Variants in DNAAF10 observed in about 807,000 individuals in gnomAD.
DNAAF10 encodes WD repeat domain 92.
In DNAAF10, 28 loss-of-function variants were observed where a neutral mutation model predicts 43.7. The observed-to-expected ratio is 0.64, with a 90% CI of 0.48 to 0.88. DNAAF10 has a LOEUF of 0.88. Among genes scored for constraint, DNAAF10 ranks in the 40% least tolerant of loss-of-function variants. The probability of loss-of-function intolerance (pLI) is 0.00; values close to 1 mark genes in which losing one functional copy is unlikely to be tolerated. For missense variants in DNAAF10, 403 were observed against 439.1 expected (o/e 0.92, Z 0.73); for synonymous variants, 156 against 157.3 (o/e 0.99, Z 0.06).
intron 1 of DNAAF10, among the ~76,000 whole-genome samples, chr2:68,155,209 T>C (rs572652878): frequency 6.6e-6 from 1 of 150,754 alleles, no homozygotes; most frequent in Admixed American, 6.6e-5. Context: ...AAGGAATAAA[T>C]GGCCAGGTGC....
In DNAAF10 at chr2:68,134,817, C is replaced by T. The variant is rs374208790; in HGVS notation, c.769-18G>A. The stretch of plus-strand genomic sequence containing the variant: ...TTATGAGCCTAAATAGAACAAGAGG[C>T]ATACAACTGGTTTATATGCTAAATG... On this transcript the variant is annotated intron_variant, in intron 6 of 7. Coordinates refer to ENST00000295121, the MANE Select transcript of DNAAF10 (RefSeq NM_138458.4). The T allele has an allele frequency of 1.2e-6, 2 of 1,613,160 alleles. No homozygotes were observed. The highest frequency in any genetic ancestry group is 1.7e-6 in the Non-Finnish European group (2 of 1,179,774).
At chr2:68,149,796 T>G (rs1673409590) in intron 1 of DNAAF10, among the ~76,000 whole-genome samples, 1 of 152,250 alleles carries the variant, frequency 6.6e-6, no homozygotes, top group South Asian at 2.1e-4. Flanking sequence ...GGTCTCACAC[T>G]GAACCTGGGT....
intron 7 of DNAAF10, among the ~76,000 whole-genome samples, chr2:68,132,394 A>C (rs1672945178): frequency 6.6e-6 from 1 of 152,268 alleles, no homozygotes; most frequent in Non-Finnish European, 1.5e-5. Context: ...TGATGAAAAA[A>C]AATAAAACAT....
At chr2:68,152,276 G>A (rs1673476421) in intron 1 of DNAAF10, among the ~76,000 whole-genome samples, 1 of 152,132 alleles carries the variant, frequency 6.6e-6, no homozygotes, top group African/African-American at 2.4e-5. Flanking sequence ...GGTCTGCTGT[G>A]CAAGAACCAA....
chr2:68,135,769 C>A (rs553557166), intron 6 of DNAAF10, among the ~76,000 whole-genome samples: 3 of 152,326 alleles, frequency 2.0e-5, no homozygotes, highest in Admixed American at 2.0e-4. Context: ...TAGGTTCAAG[C>A]TGTCGAAACA....
At chr2:68,135,290 C>T (rs544012857) in intron 6 of DNAAF10, among the ~76,000 whole-genome samples, 5 of 152,114 alleles carry the variant, frequency 3.3e-5, no homozygotes, top group South Asian at 2.1e-4. Flanking sequence ...ATTTATAGAC[C>T]GAAATTTAAC....
Position 68,147,540 on chromosome 2 carries a change from C to T in DNAAF10, c.211G>A (p.Gly71Arg). ...EIEKAKPIKC[G>R]TFGATSLQQR... ...TGTAAAGATGTTGCACCAAATGTTCCACATTTAATAGGTTTGGCCTTTTCA... is the reference window on the plus strand; with the variant it reads ...TGTAAAGATGTTGCACCAAATGTTCTACATTTAATAGGTTTGGCCTTTTCA... The change falls in exon 2 of 8, where the codon GGA (glycine) becomes AGA (arginine). Residue 71 changes from glycine (G) to arginine (R), a missense_variant. By Grantham distance (125) the Gly-to-Arg change is moderately radical. Coordinates refer to ENST00000295121, the MANE Select transcript of DNAAF10 (RefSeq NM_138458.4). The T allele has an allele frequency of 1.2e-6, 2 of 1,611,410 alleles. No individual in the cohort carries two copies. The highest frequency in any genetic ancestry group is 1.7e-6 in the Non-Finnish European group (2 of 1,178,866).
Position 68,157,318 on chromosome 2 carries a change from G to A in DNAAF10, c.126C>T (p.Gly42=), listed in dbSNP as rs1193955807. ...KFVTMGNFAR[G]TGVIQLYEIQ... is the part of the protein sequence containing the mutation. ...TCTCGTACAGCTGAATGACGCCGGT[G>A]CCCCGTGCGAAGTTGCCCATGGTCA... Residue 42 remains glycine (G), a synonymous_variant, in exon 1 of 8, where the codon GGC becomes GGT. Coordinates refer to ENST00000295121, the MANE Select transcript of DNAAF10 (RefSeq NM_138458.4). 2 of 1,614,046 alleles carry A rather than the reference G, an allele frequency of 1.2e-6. No individual in the cohort carries two copies. The highest frequency in any genetic ancestry group is 2.7e-5 in the African/African-American group (2 of 74,918).
intron 3 of DNAAF10, 27 bp downstream of exon 3, chr2:68,144,558 C>A (rs1673268178): frequency 1.2e-6 from 2 of 1,604,810 alleles, no homozygotes; most frequent in Admixed American, 1.8e-5. Context: ...AATAAATAAA[C>A]AAAATACATA....
intron 4 of DNAAF10, among the ~76,000 whole-genome samples, chr2:68,140,967 G>T (rs1157911134): frequency 1.3e-5 from 2 of 152,096 alleles, no homozygotes; most frequent in African/African-American, 2.4e-5. Flanking sequence ...ATGATTTAAA[G>T]TATACGGGAG....
chr2:68,132,932 T>C (rs1672954524), intron 7 of DNAAF10, among the ~76,000 whole-genome samples: 1 of 152,198 alleles, frequency 6.6e-6, no homozygotes, highest in Admixed American at 6.5e-5. Context: ...GTGTGCCTCA[T>C]GGAATACAAA....
At chr2:68,149,425 G>A (rs1364062282) in intron 1 of DNAAF10, among the ~76,000 whole-genome samples, 2 of 152,136 alleles carry the variant, frequency 1.3e-5, no homozygotes, top group East Asian at 1.9e-4. Context: ...TGAGAAGCAT[G>A]GAACCACAGA....
intron 1 of DNAAF10, among the ~76,000 whole-genome samples, chr2:68,151,856 T>C (rs1279680690): frequency 6.6e-6 from 1 of 152,220 alleles, no homozygotes; most frequent in Non-Finnish European, 1.5e-5. Flanking sequence ...CCTTTTCTAA[T>C]ATATACAACA....
In DNAAF10 at chr2:68,131,311, CT is replaced by C; in HGVS notation, c.1000del (p.Arg334GlyfsTer13). 6.2e-7 allele frequency: 1 copy of C among 1,614,102 alleles called. No individual in the cohort carries two copies. ...ISSLDWSPDKRGLCVCSSFDQ... is the reference protein window; with the variant it reads ...ISSLDWSPDKXGLCVCSSFDQ... ...AAATGAACTACAGACGCAGAGACCC[CT>C]TTTATCTGGACTCCAATCCAAACTT... On this transcript the variant is annotated frameshift_variant, in exon 8 of 8. Transcript: ENST00000295121. LOFTEE classifies it high-confidence loss of function.
At chr2:68,138,907 A>G (rs770073628) in intron 4 of DNAAF10, 50 bp from the exon 5 acceptor site, 3 of 1,349,520 alleles carry the variant, frequency 2.2e-6, no homozygotes, top group Non-Finnish European at 3.2e-6. Flanking sequence ...CATCCTTATA[A>G]AGGCTGCTTT....
Position 68,157,496 on chromosome 2 carries a change from G to C in DNAAF10, c.-53C>G, listed in dbSNP as rs1394055182. 8 of 1,612,764 alleles carry C rather than the reference G, an allele frequency of 5.0e-6. No individual in the cohort carries two copies. Among genetic ancestry groups the C allele is most frequent in the African/African-American group, 1.3e-5 (1 of 74,872 alleles). On this transcript the variant is annotated 5_prime_UTR_variant, in exon 1 of 8. Coordinates refer to ENST00000295121, the MANE Select transcript of DNAAF10 (RefSeq NM_138458.4). ...CGCCACACCCAGAGCCCCCAAAAAC[G>C]GCAACCTGGAAACCAGACTCCAAAC...
chr2:68,144,032 C>T (rs1185107242), intron 3 of DNAAF10, among the ~76,000 whole-genome samples: 1 of 152,234 alleles, frequency 6.6e-6, no homozygotes, highest in Non-Finnish European at 1.5e-5. Flanking sequence ...CGTGAAGCAA[C>T]AACATTTCTG....
intron 5 of DNAAF10, 43 bp downstream of exon 5, chr2:68,138,699 A>C (rs750715050): frequency 7.8e-6 from 11 of 1,411,652 alleles, no homozygotes; most frequent in Non-Finnish European, 1.1e-5. Flanking sequence ...AGGTGAATGG[A>C]AACATGCTCA....
Position 68,138,734 on chromosome 2 carries a change from T to C in DNAAF10, c.633+8A>G, listed in dbSNP as rs1158643821. On this transcript the variant is annotated splice_region_variant and intron_variant, in intron 5 of 7. Coordinates refer to ENST00000295121, the MANE Select transcript of DNAAF10 (RefSeq NM_138458.4). ...AGAGAAACCAAAAAGCCTCAGAATG[T>C]ACTTTACCCCATTTTTGATGTTTGT... 6.3e-7 allele frequency: 1 copy of C among 1,598,272 alleles called. No individual in the cohort carries two copies. The highest frequency in any genetic ancestry group is 1.1e-5 in the South Asian group (1 of 90,682).
Sources: gnomAD v4.1 joint callset for allele counts (sites outside exome capture counted in the v4.1 genomes callset) on GRCh38, gnomAD v4.1.1 for gene constraint, MANE v1.5 for transcripts, NCBI Gene and HGNC (gene_info 2026-07-23, HGNC 2026-07-21) for gene names.